The following PC variants were observed in gnomAD, a reference collection of about 807,000 sequenced individuals.
PC encodes pyruvate carboxylase, mitochondrial.
Under a neutral mutation model 107.8 loss-of-function variants are expected in PC, and 46 were observed. That is an observed-to-expected ratio of 0.43 (90% CI 0.34 to 0.55). The LOEUF (loss-of-function observed/expected upper bound fraction) is 0.55. Ranked by LOEUF, PC falls within the 20% of genes least tolerant of loss-of-function variation. The probability of loss-of-function intolerance (pLI) is 0.04; values close to 1 mark genes in which losing one functional copy is unlikely to be tolerated. For synonymous variants in PC, 662 were observed against 684.7 expected, an observed-to-expected ratio of 0.97 and a Z score of 0.52; for missense variants, 1,241 against 1,643.1, an observed-to-expected ratio of 0.76 and a Z score of 4.23.
intron 21 of PC, 33 bp from the exon 22 acceptor site, chr11:66,849,403 C>T (rs1335917189): frequency 1.3e-5 from 21 of 1,610,984 alleles, no homozygotes; most frequent in African/African-American, 8.0e-5. Flanking sequence ...CAGAGCTGGA[C>T]GCCAAGGTGG....
intron 22 of PC, 39 bp downstream of exon 22, chr11:66,849,191 C>G: frequency 1.2e-6 from 2 of 1,613,774 alleles, no homozygotes; most frequent in Non-Finnish European, 1.7e-6. Flanking sequence ...TGGGCCCAGC[C>G]AAGCCCCACC....
At chr11:66,865,154 G>A (rs894089554) in intron 11 of PC, among the ~76,000 whole-genome samples, 1 of 152,204 alleles carries the variant, frequency 6.6e-6, no homozygotes, top group Non-Finnish European at 1.5e-5. Context: ...CAGAAGGCAG[G>A]TGGCCAGCTC....
chr11:66,871,939 C>A lies in PC; in HGVS notation c.137-68G>T. On this transcript the variant is annotated intron_variant, in intron 4 of 22. Coordinates refer to ENST00000393960, the MANE Select transcript of PC (RefSeq NM_001040716.2). This position sits in a 1 kb window ranked among gnomAD's most constrained non-coding sequence, Gnocchi z 7.4. ...GAGAAGCAGAAAGGGGAGTGGGAAG[C>A]CAGGGCCTGGGGCAGTGAGTGGGAG... The A allele has an allele frequency of 6.3e-7, 1 of 1,575,266 alleles. No homozygotes were observed. Among genetic ancestry groups the A allele is most frequent in the East Asian group, 2.3e-5 (1 of 43,240 alleles).
At chr11:66,930,613 A>G (rs1948822502) in intron 3 of PC, among the ~76,000 whole-genome samples, 1 of 152,012 alleles carries the variant, frequency 6.6e-6, no homozygotes, top group South Asian at 2.1e-4. Flanking sequence ...ATGGTGGCAC[A>G]CCCCTGTAAT....
chr11:66,901,599 T>G (rs978506616), intron 3 of PC, among the ~76,000 whole-genome samples: 1 of 152,024 alleles, frequency 6.6e-6, no homozygotes, highest in African/African-American at 2.4e-5. Flanking sequence ...GCCTCTGGAG[T>G]AGCTGGGATT....
At chr11:66,941,780 T>A (rs1417750963) in intron 3 of PC, among the ~76,000 whole-genome samples, 2 of 151,668 alleles carry the variant, frequency 1.3e-5, no homozygotes, top group Non-Finnish European at 2.9e-5. Context: ...GTGTGAGCCA[T>A]CATGCCTGGC....
intron 3 of PC, among the ~76,000 whole-genome samples, chr11:66,951,780 C>G (rs1401084642): frequency 6.6e-6 from 1 of 151,912 alleles, no homozygotes; most frequent in Non-Finnish European, 1.5e-5. Flanking sequence ...GTCCCAGCTA[C>G]TCGGGAGGCT....
chr11:66,943,040 T>C (rs761622524), intron 3 of PC, among the ~76,000 whole-genome samples: 2 of 151,714 alleles, frequency 1.3e-5, no homozygotes, highest in Non-Finnish European at 2.9e-5. Context: ...GTAAGTTTAA[T>C]ATCAGGTGTA....
intron 3 of PC, among the ~76,000 whole-genome samples, chr11:66,946,513 G>A (rs553555312): frequency 7.9e-5 from 12 of 152,178 alleles, no homozygotes; most frequent in African/African-American, 2.2e-4. Flanking sequence ...CCAGCTACTC[G>A]GGAGGCTGAG....
At chr11:66,872,865 G>A (rs917976018) in intron 3 of PC, among the ~76,000 whole-genome samples, 8 of 148,428 alleles carry the variant, frequency 5.4e-5, no homozygotes, top group East Asian at 4.1e-4. Context: ...GTGAAACCCC[G>A]CCTCTTACTA....
intron 3 of PC, among the ~76,000 whole-genome samples, chr11:66,937,263 T>C (rs770051564): frequency 3.3e-5 from 5 of 152,176 alleles, no homozygotes; most frequent in Non-Finnish European, 5.9e-5. Context: ...AGTCCAATAA[T>C]TACAGTTGAA....
Position 66,870,930 on chromosome 11 carries a change from C to G in PC, c.634-38G>C, listed in dbSNP as rs746037917. 6.2e-7 allele frequency: 1 copy of G among 1,604,810 alleles called. No homozygotes were observed. Among genetic ancestry groups the G allele is most frequent in the South Asian group, 1.1e-5 (1 of 90,940 alleles). On this transcript the variant is annotated intron_variant, in intron 7 of 22. Coordinates refer to ENST00000393960, the MANE Select transcript of PC (RefSeq NM_001040716.2). This position sits in a 1 kb window ranked among gnomAD's most constrained non-coding sequence, Gnocchi z 6.1. ...GCAGGGGCCAGCCAGACCTCAGACCCCACAGCGCTACCTCTCCCCTGCCAT... is the reference window on the plus strand; with the variant it reads ...GCAGGGGCCAGCCAGACCTCAGACCGCACAGCGCTACCTCTCCCCTGCCAT...
At chr11:66,859,765 G>A in intron 12 of PC, 3 of 1,607,136 alleles carry the variant, frequency 1.9e-6, no homozygotes, top group South Asian at 1.1e-5. Context: ...AGGCTGCTGG[G>A]CTGTGCCCAT....
chr11:66,865,453 C>T (rs1220884935), intron 11 of PC, among the ~76,000 whole-genome samples: 1 of 152,238 alleles, frequency 6.6e-6, no homozygotes, highest in Admixed American at 6.5e-5. Context: ...GAACAGGCAC[C>T]GAGCAGGCCG....
chr11:66,932,219 CT>C (rs1315041830), intron 3 of PC, among the ~76,000 whole-genome samples: 10 of 152,014 alleles, frequency 6.6e-5, no homozygotes. Flanking sequence ...CATAGCTAAA[CT>C]GAATACCTTT....
intron 9 of PC, among the ~76,000 whole-genome samples, chr11:66,869,698 G>C (rs1946645811): frequency 6.6e-6 from 1 of 152,188 alleles, no homozygotes; most frequent in Non-Finnish European, 1.5e-5. Context: ...CTATAGGCCA[G>C]GGAAGAAGAG....
At chr11:66,875,972 C>G (rs1264004985) in intron 3 of PC, among the ~76,000 whole-genome samples, 1 of 152,144 alleles carries the variant, frequency 6.6e-6, no homozygotes, top group Non-Finnish European at 1.5e-5. Flanking sequence ...GGGGCAAACT[C>G]AAATTCAGGG....
In PC at chr11:66,852,567, A is replaced by G; in HGVS notation, c.1697T>C (p.Met566Thr). 6.2e-7 allele frequency: 1 copy of G among 1,614,012 alleles called. No homozygotes were observed. Among genetic ancestry groups the G allele is most frequent in the Non-Finnish European group, 8.5e-7 (1 of 1,179,996 alleles). ...AVRNHPGLLL[M>T]DTTFRDAHQS... ...GTGGGCGTCCCTGAAGGTCGTGTCC[A>G]TCAGCAGCAGCCCCGGGTGGTTCCG... Residue 566 changes from methionine to threonine, a missense_variant, in exon 15 of 23, where the codon ATG becomes ACG. Physicochemically the swap from Met to Thr is moderately conservative, Grantham distance 81 (BLOSUM62 -1). Transcript: ENST00000393960. The surrounding 1 kb of genome is among the most constrained non-coding windows in gnomAD (Gnocchi z 4.7).
rs2135934531 is a variant in PC, at chr11:66,870,226, A to G, written c.903+76T>C. On this transcript the variant is annotated intron_variant, in intron 9 of 22. Coordinates refer to ENST00000393960, the MANE Select transcript of PC (RefSeq NM_001040716.2). This position sits in a 1 kb window ranked among gnomAD's most constrained non-coding sequence, Gnocchi z 6.1. ...AAGGGGACTCAGGGTCCCCTTCCCC[A>G]ACCAGCGCCCCACTGTGAGGCCTGC... 2 of 1,580,740 alleles carry G rather than the reference A, an allele frequency of 1.3e-6. No homozygotes were observed. Among genetic ancestry groups the G allele is most frequent in the South Asian group, 2.2e-5 (2 of 90,206 alleles).
Sources: allele counts gnomAD v4.1 joint callset (sites outside exome capture counted in the v4.1 genomes callset), GRCh38; gene constraint gnomAD v4.1.1; non-coding constraint Gnocchi (gnomAD v3.1); transcripts MANE v1.5; gene names NCBI Gene and HGNC (gene_info 2026-07-23, HGNC 2026-07-21).